The following FAM151B variants were observed in gnomAD, a reference collection of about 807,000 sequenced individuals.
FAM151B encodes the protein family with sequence similarity 151 member B.
In FAM151B, 24 loss-of-function variants were observed where a neutral mutation model predicts 31.2. The observed-to-expected ratio is 0.77, with a 90% confidence interval of 0.56 to 1.08. The LOEUF (loss-of-function observed/expected upper bound fraction) is 1.08, where lower values mean the gene tolerates loss of function less well. FAM151B is among the 50% of genes least tolerant of loss of function. FAM151B has a pLI of 0.00. For synonymous variants in FAM151B, 105 were observed against 111.4 expected (o/e 0.94, Z 0.36); for missense variants, 293 against 328.6 (o/e 0.89, Z 0.84).
chr5:80,492,311 AATT>A (rs1268793047), intron 1 of FAM151B, among the ~76,000 whole-genome samples: 2 of 152,102 alleles, frequency 1.3e-5, no homozygotes, highest in Non-Finnish European at 2.9e-5. Context: ...CAAATTTTAA[AATT>A]ATTATATTTA....
chr5:80,533,768 AG>A lies in FAM151B; in HGVS notation c.672-7904del, dbSNP rs1349075606. Among the ~76,000 whole-genome samples, 675 of 149,620 alleles carry A rather than the reference AG, an allele frequency of 4.5e-3. 9 individuals carry two copies. Among genetic ancestry groups the A allele is most frequent in the African/African-American group, 0.015 (621 of 40,546 alleles). ...CCATCTCAAAAAAAAAAAAAAAAAA[AG>A]AGCAGAAATAAATGAAATTGAAATG... On this transcript the variant is annotated intron_variant, in intron 5 of 5. Transcript: ENST00000282226.
chr5:80,500,354 G>A (rs571593945), intron 1 of FAM151B: 1 of 1,067,306 alleles, frequency 9.4e-7, no homozygotes, highest in South Asian at 1.2e-5. Flanking sequence ...AGAAGAGAAA[G>A]AGAAGGTTCC....
chr5:80,498,634 A>G (rs966917287), intron 1 of FAM151B: 10 of 752,232 alleles, frequency 1.3e-5, no homozygotes, highest in Non-Finnish European at 2.1e-5. Flanking sequence ...TCTGAATGGC[A>G]CTCTCGACAA....
intron 3 of FAM151B, among the ~76,000 whole-genome samples, chr5:80,514,334 G>C (rs1471123423): frequency 6.6e-6 from 1 of 151,936 alleles, no homozygotes; most frequent in Non-Finnish European, 1.5e-5. Flanking sequence ...AATTAGCCAA[G>C]CATGGTGGTG....
chr5:80,523,067 C>A (rs905096478), intron 5 of FAM151B, among the ~76,000 whole-genome samples: 1 of 151,868 alleles, frequency 6.6e-6, no homozygotes, highest in African/African-American at 2.4e-5. Flanking sequence ...TTCCTTGCTC[C>A]AAAATACATT....
Position 80,541,966 on chromosome 5 carries a change from G to C in FAM151B, c.*134G>C. On this transcript the variant is annotated 3_prime_UTR_variant, in exon 6 of 6. Transcript: ENST00000282226. ...TCTAATCAAGAAACGTTTATTGTAT[G>C]CTTACTCTGTGGGCATATGTCCTTA... The C allele has an allele frequency of 1.1e-6, 1 of 942,668 alleles. No individual in the cohort carries two copies. Among genetic ancestry groups the C allele is most frequent in the Non-Finnish European group, 1.6e-6 (1 of 640,948 alleles). The allele number at this position is 942,668 out of a possible 1,614,324, so 58.4% of individuals were successfully genotyped here. A position where few individuals can be genotyped will look rare whatever the true frequency, so the allele number is the denominator to read the frequency against.
intron 5 of FAM151B, among the ~76,000 whole-genome samples, chr5:80,526,447 A>G (rs1460572858): frequency 8.5e-5 from 11 of 129,968 alleles, no homozygotes; most frequent in Non-Finnish European, 1.6e-5. Context: ...CATCTCTACT[A>G]AAGTCCAAAA....
At chr5:80,506,806 G>T (rs930079689) in intron 2 of FAM151B, among the ~76,000 whole-genome samples, 1 of 152,124 alleles carries the variant, frequency 6.6e-6, no homozygotes, top group Non-Finnish European at 1.5e-5. Flanking sequence ...CTCTCATAGA[G>T]GTTGAGAGAT....
rs1413494921 is a variant in FAM151B, at chr5:80,488,140, G to A, written c.17G>A (p.Gly6Glu). The A allele has an allele frequency of 1.3e-6, 2 of 1,543,508 alleles. No individual in the cohort carries two copies. The highest frequency in any genetic ancestry group is 4.9e-5 in the East Asian group (2 of 40,818). The change falls in exon 1 of 6, where the codon GGA becomes GAA. Residue 6 changes from glycine (G) to glutamate (E), a missense_variant. By Grantham distance (98) the Gly-to-Glu change is moderately conservative. Coordinates refer to ENST00000282226, the MANE Select transcript of FAM151B (RefSeq NM_205548.3). Reference sequence around the variant, plus strand: ...GTCGTCACCATGGCAGCATCCGCTGGAGGCCCAGGTAAGCGCCGAGCGCGC... The same window carrying A: ...GTCGTCACCATGGCAGCATCCGCTGAAGGCCCAGGTAAGCGCCGAGCGCGC... MAASA[G>E]GPGSWSENIL... is the part of the protein sequence containing the mutation.
At chr5:80,539,203 A>G (rs1160030514) in intron 5 of FAM151B, among the ~76,000 whole-genome samples, 1 of 152,062 alleles carries the variant, frequency 6.6e-6, no homozygotes, top group Non-Finnish European at 1.5e-5. Context: ...ATGTACAAAT[A>G]TGTCATTTCC....
chr5:80,506,646 T>C (rs551396859), intron 2 of FAM151B, among the ~76,000 whole-genome samples: 4 of 152,316 alleles, frequency 2.6e-5, no homozygotes, highest in African/African-American at 7.2e-5. Context: ...TAAACATAAA[T>C]CAAGCCTCTT....
intron 5 of FAM151B, among the ~76,000 whole-genome samples, chr5:80,537,222 G>C (rs981625093): frequency 6.6e-6 from 1 of 152,050 alleles, no homozygotes. Flanking sequence ...AATTCCTGTC[G>C]CTCCTGGACT....
chr5:80,542,225 A>G lies in FAM151B; in HGVS notation c.*393A>G, dbSNP rs1189885370. 6.4e-6 allele frequency: 1 copy of G among 156,688 alleles called. No homozygotes were observed. The highest frequency in any genetic ancestry group is 6.5e-5 in the Admixed American group (1 of 15,420). 9.7% of individuals were successfully genotyped at this position (156,688 alleles called of 1,614,324 possible). On this transcript the variant is annotated 3_prime_UTR_variant, in exon 6 of 6. Coordinates refer to ENST00000282226, the MANE Select transcript of FAM151B (RefSeq NM_205548.3). Reference sequence around the variant, plus strand: ...TGGTACTCTTTTCCTTTTTCCTAGAAAACTGGTTATTTTAGAGATAACAAA... The same window carrying G: ...TGGTACTCTTTTCCTTTTTCCTAGAGAACTGGTTATTTTAGAGATAACAAA...
At chr5:80,505,660 C>T (rs1374598052) in intron 2 of FAM151B, among the ~76,000 whole-genome samples, 1 of 151,536 alleles carries the variant, frequency 6.6e-6, no homozygotes, top group Non-Finnish European at 1.5e-5. Flanking sequence ...TCCTAACTTG[C>T]TGGGATTACA....
chr5:80,488,135 C>T lies in FAM151B; in HGVS notation c.12C>T (p.Ser4=), dbSNP rs775328887. 1.9e-6 allele frequency: 3 copies of T among 1,543,338 alleles called. No homozygotes were observed. The highest frequency in any genetic ancestry group is 1.2e-5 in the South Asian group (1 of 83,950). The change falls in exon 1 of 6, where the codon TCC becomes TCT. Residue 4 remains serine, a synonymous_variant. Coordinates refer to ENST00000282226, the MANE Select transcript of FAM151B (RefSeq NM_205548.3). ...CGGGCGTCGTCACCATGGCAGCATC[C>T]GCTGGAGGCCCAGGTAAGCGCCGAG... MAA[S]AGGPGSWSEN...
chr5:80,529,508 A>G (rs379561), intron 5 of FAM151B, among the ~76,000 whole-genome samples: 14,592 of 152,200 alleles, frequency 0.096, 967 homozygotes, highest in African/African-American at 0.18. Context: ...AATAAAGAAG[A>G]AAAGAGAGAA....
chr5:80,525,875 C>CATAT (rs34660139), intron 5 of FAM151B, among the ~76,000 whole-genome samples: 12 of 148,120 alleles, frequency 8.1e-5, no homozygotes, highest in African/African-American at 2.2e-4. Flanking sequence ...TGCCTGTATG[C>CATAT]ATATATATAT....
intron 5 of FAM151B, among the ~76,000 whole-genome samples, chr5:80,525,756 C>T (rs1338574776): frequency 2.6e-5 from 4 of 152,090 alleles, no homozygotes; most frequent in African/African-American, 9.7e-5. Context: ...CTAAAATAAC[C>T]TCTAAGGCTC....
At chr5:80,539,063 CTAGG>C (rs1167241673) in intron 5 of FAM151B, among the ~76,000 whole-genome samples, 1 of 139,830 alleles carries the variant, frequency 7.2e-6, no homozygotes, top group Non-Finnish European at 1.5e-5. Context: ...TTTTTCTTTC[CTAGG>C]TGTATGATAT....
Sources: gnomAD v4.1 joint callset for allele counts (sites outside exome capture counted in the v4.1 genomes callset) on GRCh38, gnomAD v4.1.1 for gene constraint, MANE v1.5 for transcripts, NCBI Gene and HGNC (gene_info 2026-07-23, HGNC 2026-07-21) for gene names.